TENM4: variants seen among roughly 807,000 people sequenced by gnomAD.
TENM4 encodes the protein teneurin transmembrane protein 4.
Under a neutral mutation model 243.3 loss-of-function variants are expected in TENM4, and 82 were observed. The observed-to-expected ratio is 0.34, with a 90% CI of 0.28 to 0.40. TENM4 has a LOEUF of 0.40. Ranked by LOEUF, TENM4 falls within the 10% of genes least tolerant of loss-of-function variation. The probability of loss-of-function intolerance (pLI) is 1.00; values close to 1 mark genes in which losing one functional copy is unlikely to be tolerated. For synonymous variants in TENM4, 1,412 were observed against 1,456.3 expected (o/e 0.97, Z 0.69); for missense variants, 3,138 against 3,673.3 (o/e 0.85, Z 3.77).
intron 32 of TENM4, among the ~76,000 whole-genome samples, chr11:78,666,281 T>C (rs1304676068): frequency 6.6e-6 from 1 of 152,248 alleles, no homozygotes; most frequent in Non-Finnish European, 1.5e-5. Flanking sequence ...TTGTGAATCA[T>C]GACCAGCATT....
At chr11:78,881,096 T>C (rs1448222722) in intron 9 of TENM4, among the ~76,000 whole-genome samples, 1 of 152,184 alleles carries the variant, frequency 6.6e-6, no homozygotes, top group Non-Finnish European at 1.5e-5. Flanking sequence ...GGAAGTGGCC[T>C]GGGCCTGGTG....
intron 6 of TENM4, among the ~76,000 whole-genome samples, chr11:78,978,866 G>C (rs1857727764): frequency 6.6e-6 from 1 of 152,018 alleles, no homozygotes; most frequent in African/African-American, 2.4e-5. Flanking sequence ...AGGGTTTCTT[G>C]CTTTCTGGAG....
At chr11:79,271,818 G>A (rs1855974649) in intron 2 of TENM4, among the ~76,000 whole-genome samples, 2 of 152,166 alleles carry the variant, frequency 1.3e-5, no homozygotes, top group Non-Finnish European at 2.9e-5. Context: ...CTAGTAATGA[G>A]GGCTTTTTGT....
Position 78,676,385 on chromosome 11 carries a change from G to C in TENM4, c.5263C>G (p.Gln1755Glu), listed in dbSNP as rs1316559610. ...CCGATGTAGTAGCTGTTCCGGACTTGGTCTGCAGGAGAGGACAAGCACAGA... is the reference window on the plus strand; with the variant it reads ...CCGATGTAGTAGCTGTTCCGGACTTCGTCTGCAGGAGAGGACAAGCACAGA... Reference protein sequence around the residue: ...SGAFYTLLQDQVRNSYYIGAD... With the variant: ...SGAFYTLLQDEVRNSYYIGAD... The change falls in exon 30 of 34, where the codon CAA becomes GAA. Residue 1755 changes from glutamine (Q) to glutamate (E), a missense_variant and splice_region_variant. Coordinates refer to ENST00000278550, the MANE Select transcript of TENM4 (RefSeq NM_001098816.3). 1.3e-6 allele frequency: 2 copies of C among 1,592,888 alleles called. No homozygotes were observed. The highest frequency in any genetic ancestry group is 1.3e-5 in the African/African-American group (1 of 74,614).
intron 6 of TENM4, among the ~76,000 whole-genome samples, chr11:79,017,271 A>G (rs1858801198): frequency 6.6e-6 from 1 of 152,208 alleles, no homozygotes; most frequent in African/African-American, 2.4e-5. Flanking sequence ...TCTAGATAAA[A>G]GAGGCGGAGG....
chr11:78,766,286 A>C (rs1437081347), intron 18 of TENM4, among the ~76,000 whole-genome samples: 3 of 152,182 alleles, frequency 2.0e-5, no homozygotes, highest in African/African-American at 7.2e-5. Context: ...GCAGCCCTGC[A>C]AGGTGGGCAT....
chr11:78,672,409 C>A, intron 30 of TENM4, 80 bp from the exon 31 acceptor site: 1 of 1,491,438 alleles, frequency 6.7e-7, no homozygotes, highest in Non-Finnish European at 9.1e-7. Flanking sequence ...TTGCTCTCAG[C>A]TCTGCTGGGA....
At chr11:78,664,815 A>T (rs1479383172) in intron 32 of TENM4, among the ~76,000 whole-genome samples, 1 of 152,250 alleles carries the variant, frequency 6.6e-6, no homozygotes, top group Non-Finnish European at 1.5e-5. Context: ...CTGAATTTGT[A>T]GTTGCAAAGG....
intron 4 of TENM4, among the ~76,000 whole-genome samples, chr11:79,130,576 C>A (rs561371947): frequency 6.6e-6 from 1 of 152,272 alleles, no homozygotes; most frequent in African/African-American, 2.4e-5. Flanking sequence ...GTAATCCCAG[C>A]ACTTTGGGAG....
intron 21 of TENM4, 68 bp downstream of exon 21, chr11:78,732,248 C>T: frequency 6.5e-7 from 1 of 1,530,172 alleles, no homozygotes; most frequent in Non-Finnish European, 8.8e-7. Flanking sequence ...TCCACTGTCT[C>T]TGAGATCCTC....
intron 16 of TENM4, among the ~76,000 whole-genome samples, chr11:78,782,363 C>G (rs1049743219): frequency 6.6e-6 from 1 of 151,900 alleles, no homozygotes; most frequent in African/African-American, 2.4e-5. Flanking sequence ...TTTGGGAGGC[C>G]GAGGCAGGTG....
chr11:79,311,381 G>T (rs1010991065), intron 1 of TENM4, among the ~76,000 whole-genome samples: 6 of 152,126 alleles, frequency 3.9e-5, no homozygotes, highest in African/African-American at 1.4e-4. Flanking sequence ...ATTAAGTGCT[G>T]GTCTCCCTGG....
At chr11:79,232,994 A>G (rs2135264508) in intron 2 of TENM4, among the ~76,000 whole-genome samples, 1 of 152,192 alleles carries the variant, frequency 6.6e-6, no homozygotes, top group East Asian at 1.9e-4. Flanking sequence ...CTGCCTTGCC[A>G]GGAACCACCC....
At chr11:78,671,338 C>T (rs1048203263) in intron 31 of TENM4, among the ~76,000 whole-genome samples, 1 of 152,158 alleles carries the variant, frequency 6.6e-6, no homozygotes, top group Non-Finnish European at 1.5e-5. Flanking sequence ...GGTACTCACC[C>T]AGTGGGTAGA....
intron 12 of TENM4, among the ~76,000 whole-genome samples, chr11:78,822,212 AAAGG>A (rs1309050794): frequency 6.6e-6 from 1 of 152,220 alleles, no homozygotes; most frequent in Non-Finnish European, 1.5e-5. Context: ...GTCATGGTGT[AAAGG>A]AACTTGCTTG....
At chr11:79,120,681 A>C (rs1861725140) in intron 4 of TENM4, among the ~76,000 whole-genome samples, 1 of 152,234 alleles carries the variant, frequency 6.6e-6, no homozygotes, top group Non-Finnish European at 1.5e-5. Flanking sequence ...CCCAACAATA[A>C]AAGTGAAAAA....
At chr11:79,008,507 A>G (rs981550135) in intron 6 of TENM4, among the ~76,000 whole-genome samples, 12 of 152,258 alleles carry the variant, frequency 7.9e-5, no homozygotes, top group Non-Finnish European at 1.5e-5. Context: ...GTTTTGACAT[A>G]GCTATGATAC....
chr11:78,805,280 C>CCCA lies in TENM4; in HGVS notation c.2179+11_2179+12insTGG. ...CTCCCTCTACCCATGCTTCTTCTCC[C>CCCA]CCTGCATTTACCGATAGAACAGTCG... is the stretch of plus-strand genomic sequence containing the variant. On this transcript the variant is annotated intron_variant, in intron 15 of 33. Coordinates refer to ENST00000278550, the MANE Select transcript of TENM4 (RefSeq NM_001098816.3). The CCCA allele has an allele frequency of 2.0e-6, 3 of 1,494,452 alleles. No homozygotes were observed. Among genetic ancestry groups the CCCA allele is most frequent in the South Asian group, 1.2e-5 (1 of 83,482 alleles). The allele number at this position is 1,494,452 out of a possible 1,614,324, so 92.6% of individuals were successfully genotyped here.
At chr11:79,065,809 A>G (rs1382506672) in intron 5 of TENM4, among the ~76,000 whole-genome samples, 1 of 133,324 alleles carries the variant, frequency 7.5e-6, no homozygotes, top group Non-Finnish European at 1.6e-5. Flanking sequence ...AAGGTCACCT[A>G]GGAGTAGTAC....
Sources: gnomAD v4.1 joint callset for allele counts (sites outside exome capture counted in the v4.1 genomes callset) on GRCh38, gnomAD v4.1.1 for gene constraint, MANE v1.5 for transcripts, NCBI Gene and HGNC (gene_info 2026-07-23, HGNC 2026-07-21) for gene names.